The following HECW2 variants were observed in gnomAD, a reference collection of about 807,000 sequenced individuals.
HECW2 encodes the protein E3 ubiquitin-protein ligase HECW2.
A neutral mutation model predicts 175.2 loss-of-function variants in HECW2; 61 were observed. That is an observed-to-expected ratio of 0.35 (90% CI 0.28 to 0.43). The LOEUF (loss-of-function observed/expected upper bound fraction) is 0.43, where lower values mean the gene tolerates loss of function less well. Ranked by LOEUF, HECW2 falls within the 20% of genes least tolerant of loss-of-function variation. HECW2 has a pLI of 1.00. For synonymous variants in HECW2, 671 were observed against 731.0 expected (o/e 0.92, Z 1.32); for missense variants, 1,524 against 2,000.5 (o/e 0.76, Z 4.54).
intron 2 of HECW2, among the ~76,000 whole-genome samples, chr2:196,385,697 G>GA (rs1202891263): frequency 6.6e-6 from 1 of 152,200 alleles, no homozygotes; most frequent in African/African-American, 2.4e-5. Flanking sequence ...CATGGTGGTT[G>GA]AAAATCCAAG....
At chr2:196,441,463 G>T (rs115910989) in intron 1 of HECW2, among the ~76,000 whole-genome samples, 428 of 151,968 alleles carry the variant, frequency 2.8e-3, no homozygotes, top group African/African-American at 9.4e-3. Flanking sequence ...CTATCTAAAT[G>T]AGGAAAACAA....
intron 21 of HECW2, among the ~76,000 whole-genome samples, chr2:196,237,268 T>A (rs941348840): frequency 6.6e-6 from 1 of 152,174 alleles, no homozygotes; most frequent in Non-Finnish European, 1.5e-5. Flanking sequence ...TAGTGGTGAT[T>A]TCTGAGATTT....
At chr2:196,378,550 A>C (rs1413708282) in intron 2 of HECW2, among the ~76,000 whole-genome samples, 1 of 152,258 alleles carries the variant, frequency 6.6e-6, no homozygotes. Flanking sequence ...CCCTAAATAA[A>C]ATAAAAGTAA....
chr2:196,200,656 AC>A lies in HECW2; in HGVS notation c.*620del, dbSNP rs1256278609. 3.3e-5 allele frequency: 5 copies of A among 152,656 alleles called. No individual in the cohort carries two copies. Among genetic ancestry groups the A allele is most frequent in the African/African-American group, 1.2e-4 (5 of 41,458 alleles). The allele number at this position is 152,656 out of a possible 1,614,324, so 9.5% of individuals were successfully genotyped here. A position where few individuals can be genotyped will look rare whatever the true frequency, so the allele number is the denominator to read the frequency against. On this transcript the variant is annotated 3_prime_UTR_variant, in exon 29 of 29. Transcript: ENST00000644978. ...TGTCTTTAGCCATAATTACACACAT[AC>A]CACTTGCATATACATTGTCACAGAC...
chr2:196,442,122 A>C (rs1302305201), intron 1 of HECW2, among the ~76,000 whole-genome samples: 4 of 152,226 alleles, frequency 2.6e-5, no homozygotes, highest in Non-Finnish European at 5.9e-5. Flanking sequence ...TTAAATATGC[A>C]ACTAGATTAA....
intron 14 of HECW2, among the ~76,000 whole-genome samples, chr2:196,281,916 TCA>T (rs1690203475): frequency 6.6e-6 from 1 of 152,182 alleles, no homozygotes; most frequent in Non-Finnish European, 1.5e-5. Flanking sequence ...TTTTTAAACC[TCA>T]GTTTCTTTTC....
intron 19 of HECW2, among the ~76,000 whole-genome samples, chr2:196,251,733 G>A (rs1688861162): frequency 6.6e-6 from 1 of 152,078 alleles, no homozygotes; most frequent in Non-Finnish European, 1.5e-5. Context: ...CCACTGCCTA[G>A]TCCAGTCTTT....
At chr2:196,304,775 T>C (rs567671686) in intron 13 of HECW2, among the ~76,000 whole-genome samples, 1 of 152,216 alleles carries the variant, frequency 6.6e-6, no homozygotes, top group Non-Finnish European at 1.5e-5. Context: ...TTGTGTAGCC[T>C]AGCTTCTGTA....
At chr2:196,380,277 A>G (rs138047368) in intron 2 of HECW2, among the ~76,000 whole-genome samples, 5 of 152,338 alleles carry the variant, frequency 3.3e-5, no homozygotes, top group Non-Finnish European at 7.3e-5. Flanking sequence ...TAAGCAGTTT[A>G]TAGCTCTGCC....
chr2:196,360,525 C>T (rs1693550999), intron 2 of HECW2, among the ~76,000 whole-genome samples: 1 of 152,038 alleles, frequency 6.6e-6, no homozygotes, highest in Non-Finnish European at 1.5e-5. Context: ...AAGGGAACAA[C>T]AGACACTGGA....
chr2:196,250,450 G>A (rs1314070914), intron 19 of HECW2, among the ~76,000 whole-genome samples: 1 of 152,148 alleles, frequency 6.6e-6, no homozygotes, highest in African/African-American at 2.4e-5. Flanking sequence ...CAAGCAAAGT[G>A]TTCTCCAAAA....
At chr2:196,243,517 T>C (rs10199322) in intron 19 of HECW2, among the ~76,000 whole-genome samples, 15,118 of 152,180 alleles carry the variant, frequency 0.099, 1,059 homozygotes, top group African/African-American at 0.2. Context: ...CTAGATTATA[T>C]AAGCATATTT....
intron 2 of HECW2, among the ~76,000 whole-genome samples, chr2:196,348,278 T>C (rs1020266352): frequency 2.0e-5 from 3 of 152,156 alleles, no homozygotes; most frequent in Non-Finnish European, 4.4e-5. Flanking sequence ...AATGAACTAT[T>C]CTTTTTTATC....
At chr2:196,415,112 C>G (rs563452403) in intron 2 of HECW2, among the ~76,000 whole-genome samples, 2 of 152,158 alleles carry the variant, frequency 1.3e-5, no homozygotes, top group Non-Finnish European at 2.9e-5. Context: ...TACCTGGCTA[C>G]CAGGTGAGAG....
chr2:196,205,092 T>C lies in HECW2; in HGVS notation c.4608-3704A>G, dbSNP rs544158287. ...ATAATCTAAGGCTATTGCTGCTTCATAAATTACATCTGGTTGCATAATATA... is the reference window on the plus strand; with the variant it reads ...ATAATCTAAGGCTATTGCTGCTTCACAAATTACATCTGGTTGCATAATATA... On this transcript the variant is annotated intron_variant, in intron 28 of 28. Coordinates refer to ENST00000644978, the MANE Select transcript of HECW2 (RefSeq NM_001348768.2). Among the ~76,000 whole-genome samples, 61 of 152,338 alleles carry C rather than the reference T, an allele frequency of 4.0e-4. 1 individual carries two copies. Among genetic ancestry groups the C allele is most frequent in the Non-Finnish European group, 1.5e-4 (10 of 68,022 alleles).
chr2:196,402,956 A>G (rs989667223), intron 2 of HECW2, among the ~76,000 whole-genome samples: 7 of 152,024 alleles, frequency 4.6e-5, no homozygotes, highest in African/African-American at 1.7e-4. Context: ...ACAGGCGCGC[A>G]CTACCATGCT....
In HECW2 at chr2:196,554,524, C is replaced by T. The variant is rs1230982557; in HGVS notation, c.-36+38984G>A. 2.0e-5 allele frequency among the ~76,000 whole-genome samples: 3 copies of T among 152,120 alleles called. 1 individual carries two copies. The highest frequency in any genetic ancestry group is 4.4e-5 in the Non-Finnish European group (3 of 68,022). On this transcript the variant is annotated intron_variant, in intron 1 of 28. Coordinates refer to ENST00000644978, the MANE Select transcript of HECW2 (RefSeq NM_001348768.2). ...TCAGTTGAAGCCCTGAGACCTTAAT[C>T]AAAGAATGAGGAGGATGGTCAAACA...
At chr2:196,446,638 G>T (rs1213925151) in intron 1 of HECW2, among the ~76,000 whole-genome samples, 2 of 152,192 alleles carry the variant, frequency 1.3e-5, no homozygotes, top group Non-Finnish European at 2.9e-5. Flanking sequence ...TGGGCAGAAT[G>T]CAATGGTTGT....
intron 28 of HECW2, among the ~76,000 whole-genome samples, chr2:196,209,589 A>T (rs969667193): frequency 1.3e-5 from 2 of 152,176 alleles, no homozygotes; most frequent in Non-Finnish European, 2.9e-5. Context: ...AGACCACTGT[A>T]TGAGAATCTC....
Sources: gnomAD v4.1 joint callset for allele counts (sites outside exome capture counted in the v4.1 genomes callset) on GRCh38, gnomAD v4.1.1 for gene constraint, MANE v1.5 for transcripts, NCBI Gene and HGNC (gene_info 2026-07-23, HGNC 2026-07-21) for gene names.